Variants in RBM25 observed in about 807,000 individuals in gnomAD.
RBM25 encodes RNA binding motif protein 25, also known as RNA-binding protein 25.
RBM25 carries 19 observed loss-of-function variants against 120.7 expected under a neutral mutation model. The observed-to-expected ratio is 0.16, with a 90% CI of 0.11 to 0.23. The LOEUF (loss-of-function observed/expected upper bound fraction) is 0.23. Ranked by LOEUF, RBM25 falls within the 10% of genes least tolerant of loss-of-function variation. RBM25 has a pLI of 1.00. For synonymous variants in RBM25, 390 were observed against 326.7 expected (o/e 1.19, Z -2.09); for missense variants, 605 against 1,041.5 (o/e 0.58, Z 5.77).
Position 73,110,866 on chromosome 14 carries a change from A to T in RBM25, c.1728A>T (p.Gln576His), listed in dbSNP as rs749784556. 6.2e-7 allele frequency: 1 copy of T among 1,612,078 alleles called. No homozygotes were observed. The highest frequency in any genetic ancestry group is 8.5e-7 in the Non-Finnish European group (1 of 1,179,498). ...AGGCTGAGAGGCGCAGGCAGCCACA[A>T]ATAAAGCAAGAGCCAGAATCAGAAG... ...EQEAERRRQPQIKQEPESEEE... is the reference protein window; with the variant it reads ...EQEAERRRQPHIKQEPESEEE... The change falls in exon 15 of 19, where the codon CAA (glutamine) becomes CAT (histidine). Residue 576 changes from glutamine (Q) to histidine (H), a missense_variant. Gln to His is a conservative substitution (Grantham distance 24). Transcript: ENST00000261973.
intron 1 of RBM25, chr14:73,067,969 G>T: frequency 8.5e-6 from 2 of 236,626 alleles, no homozygotes; most frequent in Non-Finnish European, 8.3e-6. Flanking sequence ...ATATTTATTA[G>T]GCTTCAAAGA....
In RBM25 at chr14:73,121,074, G is replaced by C. The variant is rs1896532679; in HGVS notation, c.*1269G>C. The C allele has an allele frequency of 6.6e-6, 1 of 152,376 alleles. No homozygotes were observed. The highest frequency in any genetic ancestry group is 2.4e-5 in the African/African-American group (1 of 41,428). 9.4% of individuals were successfully genotyped at this position (152,376 alleles called of 1,614,324 possible). ...GGAGTAAAATTACCTGAAAACGTAAGAAGTTTTAAACAGCTTTTCACACAA... is the reference window on the plus strand; with the variant it reads ...GGAGTAAAATTACCTGAAAACGTAACAAGTTTTAAACAGCTTTTCACACAA... On this transcript the variant is annotated 3_prime_UTR_variant, in exon 19 of 19. Coordinates refer to ENST00000261973, the MANE Select transcript of RBM25 (RefSeq NM_021239.3).
chr14:73,115,153 C>CGTGT (rs33924709), intron 18 of RBM25, among the ~76,000 whole-genome samples: 20,251 of 146,652 alleles, frequency 0.14, 1,479 homozygotes, highest in East Asian at 0.29. Flanking sequence ...GGAACTGATA[C>CGTGT]GTGTGTGTGT....
At chr14:73,088,813 C>T (rs891774007) in intron 6 of RBM25, among the ~76,000 whole-genome samples, 2 of 152,146 alleles carry the variant, frequency 1.3e-5, no homozygotes, top group Non-Finnish European at 2.9e-5. Flanking sequence ...AAGAGTCTTT[C>T]GCTGTCGTCA....
At chr14:73,090,915 A>C (rs766167561) in intron 6 of RBM25, among the ~76,000 whole-genome samples, 2 of 152,226 alleles carry the variant, frequency 1.3e-5, no homozygotes, top group African/African-American at 2.4e-5. Flanking sequence ...TTTTATTTCA[A>C]ATCAGTAATA....
chr14:73,120,022 C>T lies in RBM25; in HGVS notation c.*217C>T, dbSNP rs1594941657. 2.2e-6 allele frequency: 1 copy of T among 448,570 alleles called. No homozygotes were observed. Among genetic ancestry groups the T allele is most frequent in the Non-Finnish European group, 3.6e-6 (1 of 281,242 alleles). 27.8% of individuals were successfully genotyped at this position (448,570 alleles called of 1,614,324 possible). On this transcript the variant is annotated 3_prime_UTR_variant, in exon 19 of 19. Coordinates refer to ENST00000261973, the MANE Select transcript of RBM25 (RefSeq NM_021239.3). Reference sequence around the variant, plus strand: ...TGGTTCTCTTTATACTCACCAGGTACAAATTACTGGTATGTTTTATAAGCC... The same window carrying T: ...TGGTTCTCTTTATACTCACCAGGTATAAATTACTGGTATGTTTTATAAGCC...
intron 2 of RBM25, among the ~76,000 whole-genome samples, chr14:73,072,126 C>G (rs925458296): frequency 6.6e-6 from 1 of 152,112 alleles, no homozygotes; most frequent in Non-Finnish European, 1.5e-5. Flanking sequence ...CACCTGCCAC[C>G]ATGCCTGGCT....
At chr14:73,112,584 ATCT>A (rs1374921180) in intron 17 of RBM25, among the ~76,000 whole-genome samples, 6 of 152,012 alleles carry the variant, frequency 3.9e-5, no homozygotes, top group Admixed American at 2.0e-4. Flanking sequence ...ATGCTGTGCC[ATCT>A]TCTTCTTGTC....
chr14:73,063,685 A>G (rs1440180741), intron 1 of RBM25, among the ~76,000 whole-genome samples: 1 of 151,176 alleles, frequency 6.6e-6, no homozygotes, highest in Non-Finnish European at 1.5e-5. Context: ...GTTCCAGGCC[A>G]CCATCTCTCC....
intron 6 of RBM25, among the ~76,000 whole-genome samples, chr14:73,090,181 G>T (rs1895779704): frequency 6.6e-6 from 1 of 151,986 alleles, no homozygotes; most frequent in Non-Finnish European, 1.5e-5. Context: ...CTACCGAGTA[G>T]CTGAGATTTT....
At chr14:73,083,470 T>A in intron 4 of RBM25, 24 bp from the exon 5 acceptor site, 1 of 1,537,868 alleles carries the variant, frequency 6.5e-7, no homozygotes, top group Non-Finnish European at 8.7e-7. Flanking sequence ...GGTAGCAATC[T>A]GTTTGTTTTG....
intron 2 of RBM25, among the ~76,000 whole-genome samples, chr14:73,074,819 A>T (rs553068157): frequency 4.0e-5 from 6 of 150,094 alleles, no homozygotes; most frequent in Non-Finnish European, 7.4e-5. Flanking sequence ...GATTCTCCTG[A>T]TTCAGTCTCC....
chr14:73,102,149 T>G (rs1382982458), intron 9 of RBM25: 1 of 152,244 alleles, frequency 6.6e-6, no homozygotes, highest in Non-Finnish European at 1.5e-5. Context: ...GCACATTTTA[T>G]TGTTGCAGTT....
At position 73,111,694 on chromosome 14, in the gene RBM25, T is replaced by C. The variant is rs759836553; in HGVS notation, c.2184T>C (p.Thr728=). Residue 728 remains threonine (T), a synonymous_variant, in exon 16 of 19, where the codon ACT becomes ACC. Transcript: ENST00000261973. Reference sequence around the variant, plus strand: ...ATGATAAAAATGCAACCAAAGGCACTGTAAACACTGAAGAAAAGCGTAAAC... The same window carrying C: ...ATGATAAAAATGCAACCAAAGGCACCGTAAACACTGAAGAAAAGCGTAAAC... ...GEDDKNATKG[T]VNTEEKRKHI... The C allele has an allele frequency of 1.2e-6, 2 of 1,614,164 alleles. No individual in the cohort carries two copies. The highest frequency in any genetic ancestry group is 1.1e-5 in the South Asian group (1 of 91,082).
At chr14:73,116,614 A>T (rs1349161050) in intron 18 of RBM25, among the ~76,000 whole-genome samples, 1 of 152,192 alleles carries the variant, frequency 6.6e-6, no homozygotes, top group Non-Finnish European at 1.5e-5. Flanking sequence ...AACTTTCCTG[A>T]AGCTTCCAGC....
In RBM25 at chr14:73,059,771, A is replaced by G. The variant is rs189771237; in HGVS notation, c.-16+1066A>G. 5.3e-5 allele frequency among the ~76,000 whole-genome samples: 8 copies of G among 152,332 alleles called. No homozygotes were observed. The East Asian group carries it at 1.3e-3, about 26-fold the overall frequency. ...TACTCATGATTCAAGTGAATCTTAT[A>G]GTATTCTAATTCATTTAACTTAAAG... On this transcript the variant is annotated intron_variant, in intron 1 of 18. Coordinates refer to ENST00000261973, the MANE Select transcript of RBM25 (RefSeq NM_021239.3).
At chr14:73,077,328 T>G in intron 3 of RBM25, 41 bp from the exon 4 acceptor site, 2 of 1,524,424 alleles carry the variant, frequency 1.3e-6, no homozygotes, top group Non-Finnish European at 9.0e-7. Flanking sequence ...GGTAGGAAAT[T>G]TAATTGCTGG....
chr14:73,115,212 G>T (rs1376175220), intron 18 of RBM25, among the ~76,000 whole-genome samples: 1 of 151,264 alleles, frequency 6.6e-6, no homozygotes, highest in Non-Finnish European at 1.5e-5. Context: ...ACATGTGCAG[G>T]TTTGTTACAT....
At chr14:73,079,401 T>C (rs1895504878) in intron 4 of RBM25, among the ~76,000 whole-genome samples, 1 of 150,654 alleles carries the variant, frequency 6.6e-6, no homozygotes, top group African/African-American at 2.4e-5. Flanking sequence ...CCAGCCTGGG[T>C]GACAATGTTA....
Sources: gnomAD v4.1 joint callset for allele counts (sites outside exome capture counted in the v4.1 genomes callset) on GRCh38, gnomAD v4.1.1 for gene constraint, MANE v1.5 for transcripts, NCBI Gene and HGNC (gene_info 2026-07-23, HGNC 2026-07-21) for gene names.